The following IGSF11 variants were observed in gnomAD, a reference collection of about 807,000 sequenced individuals.
IGSF11 encodes immunoglobulin superfamily member 11.
Under a neutral mutation model 41.0 loss-of-function variants are expected in IGSF11, and 22 were observed. The observed-to-expected ratio is 0.54, with a 90% CI of 0.38 to 0.77. The LOEUF is 0.77. Among genes scored for constraint, IGSF11 ranks in the 30% least tolerant of loss-of-function variants. IGSF11 has a pLI of 0.00. For synonymous variants in IGSF11, 219 were observed against 201.3 expected (o/e 1.09, Z -0.74); for missense variants, 444 against 530.8 (o/e 0.84, Z 1.61).
intron 1 of IGSF11, among the ~76,000 whole-genome samples, chr3:119,061,580 T>C (rs1424858236): frequency 6.6e-6 from 1 of 152,180 alleles, no homozygotes; most frequent in South Asian, 2.1e-4. Context: ...CAACAACAAA[T>C]GCATCTTTGG....
chr3:118,923,257 G>A (rs1476998329), intron 4 of IGSF11, among the ~76,000 whole-genome samples: 1 of 152,040 alleles, frequency 6.6e-6, no homozygotes, highest in Non-Finnish European at 1.5e-5. Context: ...CACCAGACTC[G>A]GGCAAGTAAC....
chr3:119,050,068 C>T (rs1432096078), intron 1 of IGSF11, among the ~76,000 whole-genome samples: 1 of 148,484 alleles, frequency 6.7e-6, no homozygotes, highest in Non-Finnish European at 1.5e-5. Context: ...CTAGGCATTA[C>T]CATTCAGGAC....
At chr3:118,939,362 G>A (rs1943509636) in intron 1 of IGSF11, among the ~76,000 whole-genome samples, 2 of 152,004 alleles carry the variant, frequency 1.3e-5, no homozygotes, top group African/African-American at 2.4e-5. Flanking sequence ...GATCACCTGA[G>A]GTCAGGAGTT....
At chr3:119,050,558 G>C (rs1102591) in intron 1 of IGSF11, among the ~76,000 whole-genome samples, 95,383 of 150,334 alleles carry the variant, frequency 0.63, 30,453 homozygotes, top group South Asian at 0.76. Context: ...GGACTGTAAA[G>C]TAGTTCAACC....
chr3:119,117,484 A>C (rs2107526690), intron 1 of IGSF11, among the ~76,000 whole-genome samples: 1 of 152,246 alleles, frequency 6.6e-6, no homozygotes, highest in South Asian at 2.1e-4. Context: ...TATCACAAGA[A>C]CAGCACAGGA....
upstream of IGSF11, among the ~76,000 whole-genome samples, chr3:119,106,620 G>T (rs1237142117): frequency 6.6e-6 from 1 of 151,940 alleles, no homozygotes; most frequent in East Asian, 1.9e-4. Flanking sequence ...AAGTTTTAGG[G>T]TACATGTGCA....
intron 1 of IGSF11, among the ~76,000 whole-genome samples, chr3:119,094,223 T>TTAAAAAAAAAAAAAAAAAAAAAAA (rs1491294473): frequency 2.9e-5 from 1 of 35,066 alleles, no homozygotes; most frequent in Admixed American, 5.0e-4. Context: ...CATAGCGAAG[T>TTAAAAAAAAAAAAAAAAAAAAAAA]AAAAAAAAAA....
At chr3:119,096,765 T>G (rs950233268) in intron 1 of IGSF11, among the ~76,000 whole-genome samples, 4 of 152,214 alleles carry the variant, frequency 2.6e-5, no homozygotes, top group Non-Finnish European at 5.9e-5. Context: ...AGACCTTTAT[T>G]GGCTTATACA....
At chr3:118,914,296 C>T (rs565408110) in intron 4 of IGSF11, among the ~76,000 whole-genome samples, 3 of 152,208 alleles carry the variant, frequency 2.0e-5, no homozygotes, top group African/African-American at 7.2e-5. Flanking sequence ...CAGCTCCCAG[C>T]GTGAGCGACG....
chr3:118,908,621 T>C (rs1440822452), intron 4 of IGSF11, among the ~76,000 whole-genome samples: 1 of 152,198 alleles, frequency 6.6e-6, no homozygotes, highest in East Asian at 1.9e-4. Flanking sequence ...TAGGGAAAGT[T>C]CAATGGCATG....
intron 1 of IGSF11, among the ~76,000 whole-genome samples, chr3:119,117,022 T>G (rs1171722883): frequency 6.6e-6 from 1 of 151,736 alleles, no homozygotes; most frequent in Non-Finnish European, 1.5e-5. Context: ...ACCCCTAACA[T>G]ATGGGCTTTG....
intron 1 of IGSF11, among the ~76,000 whole-genome samples, chr3:119,046,148 G>A (rs1024562603): frequency 1.3e-5 from 2 of 150,794 alleles, no homozygotes; most frequent in Admixed American, 1.3e-4. Flanking sequence ...GATGGAGAAT[G>A]ACTTTGACGA....
In IGSF11 at chr3:119,031,129, C is replaced by CGT. The variant is rs1559817960; in HGVS notation, c.52+3401_52+3402insAC. 1.3e-4 allele frequency among the ~76,000 whole-genome samples: 20 copies of CGT among 152,098 alleles called. No individual in the cohort carries two copies. In the East Asian group the frequency reaches 3.5e-3, roughly 26 times the overall value. On this transcript the variant is annotated intron_variant, in intron 1 of 6. Transcript: ENST00000393775. Reference sequence around the variant, plus strand: ...AAAATTAGCCAAGTGTGGTGGTATGCGCCTGTAATCCTGGCTACTCGGGAG... The same window carrying CGT: ...AAAATTAGCCAAGTGTGGTGGTATGCGTGCCTGTAATCCTGGCTACTCGGGAG...
intron 1 of IGSF11, among the ~76,000 whole-genome samples, chr3:119,077,589 G>T (rs574568280): frequency 2.6e-5 from 4 of 152,180 alleles, no homozygotes; most frequent in African/African-American, 7.2e-5. Context: ...ATGGGCAAAA[G>T]CTGGAAGAAT....
At chr3:119,071,061 A>C (rs1356916332) in intron 1 of IGSF11, among the ~76,000 whole-genome samples, 1 of 152,202 alleles carries the variant, frequency 6.6e-6, no homozygotes, top group Non-Finnish European at 1.5e-5. Context: ...GCTTGCAGTT[A>C]GGAGGCTTAC....
intron 1 of IGSF11, among the ~76,000 whole-genome samples, chr3:119,124,765 T>A (rs1268453804): frequency 6.6e-6 from 1 of 151,892 alleles, no homozygotes; most frequent in African/African-American, 2.4e-5. Context: ...AAAGGGATAA[T>A]AACAGAAAAG....
Position 119,091,995 on chromosome 3 carries a change from G to GT in IGSF11, c.49+13148_49+13149insA, listed in dbSNP as rs1553728439. ...TGTTTTTTGGTTTTTGGTTTTTTTG[G>GT]GGGGGGGGGGTTGGTGGTTTTTTCT... On this transcript the variant is annotated intron_variant, in intron 1 of 6. Transcript: ENST00000354673. Among the ~76,000 whole-genome samples, 38 of 42,540 alleles carry GT rather than the reference G, an allele frequency of 8.9e-4. 2 individuals are homozygous for GT. Among genetic ancestry groups the GT allele is most frequent in the African/African-American group, 1.9e-3 (36 of 18,600 alleles). The allele number at this position is 42,540 out of a possible 152,430, so 27.9% of individuals were successfully genotyped here. A position where few individuals can be genotyped will look rare whatever the true frequency, so the allele number is the denominator to read the frequency against.
At chr3:119,053,195 GA>G (rs1379134979) in intron 1 of IGSF11, among the ~76,000 whole-genome samples, 1 of 152,094 alleles carries the variant, frequency 6.6e-6, no homozygotes, top group Non-Finnish European at 1.5e-5. Context: ...CAGTAAAGAG[GA>G]TTCAAACTGC....
intron 1 of IGSF11, among the ~76,000 whole-genome samples, chr3:119,060,660 T>C (rs1369583): frequency 0.17 from 26,063 of 152,138 alleles, 2,684 homozygotes; most frequent in South Asian, 0.29. Context: ...GTCAAGATGA[T>C]ACAGCTCATC....
Sources: allele counts gnomAD v4.1 joint callset (sites outside exome capture counted in the v4.1 genomes callset), GRCh38; gene constraint gnomAD v4.1.1; transcripts MANE v1.5; gene names NCBI Gene and HGNC (gene_info 2026-07-23, HGNC 2026-07-21).